DTNBP1: variants seen among roughly 807,000 people sequenced by gnomAD.
The protein encoded by DTNBP1 is dystrobrevin binding protein 1, also known as dysbindin.
A neutral mutation model predicts 42.8 loss-of-function variants in DTNBP1; 35 were observed. The ratio of observed to expected loss-of-function variants is 0.82; its 90% CI spans 0.63 to 1.09. The LOEUF (loss-of-function observed/expected upper bound fraction) is 1.09, where lower values mean the gene tolerates loss of function less well. Ranked by LOEUF, DTNBP1 falls within the 50% of genes least tolerant of loss-of-function variation. DTNBP1 has a pLI of 0.00. For synonymous variants in DTNBP1, 171 were observed against 162.2 expected (o/e 1.05, Z -0.41); for missense variants, 457 against 424.2 (o/e 1.08, Z -0.68).
At chr6:15,532,086 G>A (rs751039042) in intron 8 of DTNBP1, among the ~76,000 whole-genome samples, 2 of 152,210 alleles carry the variant, frequency 1.3e-5, no homozygotes, top group African/African-American at 2.4e-5. Context: ...GAGATTTGGG[G>A]GGTGAGGGAG....
intron 9 of DTNBP1, chr6:15,524,002 A>G (rs940998450): frequency 3.9e-6 from 5 of 1,288,438 alleles, no homozygotes; most frequent in Non-Finnish European, 5.1e-6. Context: ...CTGGCACCTC[A>G]GCCCATATTT....
chr6:15,558,121 A>T (rs1774629630), intron 7 of DTNBP1, among the ~76,000 whole-genome samples: 2 of 151,584 alleles, frequency 1.3e-5, no homozygotes, highest in African/African-American at 4.8e-5. Context: ...ATATTATGTT[A>T]AATTATTGTA....
chr6:15,639,883 A>T (rs1356645272), intron 3 of DTNBP1, among the ~76,000 whole-genome samples: 2 of 152,118 alleles, frequency 1.3e-5, no homozygotes, highest in Admixed American at 1.3e-4. Context: ...GAGAAAATTA[A>T]TCCTCACTTG....
At position 15,637,909 on chromosome 6, in the gene DTNBP1, C is replaced by A. The variant is rs16876746; in HGVS notation, c.162-105G>T. 50,950 of 1,242,760 alleles carry A rather than the reference C, an allele frequency of 0.041. 1,454 individuals carry two copies. The highest frequency in any genetic ancestry group is 0.12 in the African/African-American group (7,831 of 67,180). The allele number at this position is 1,242,760 out of a possible 1,614,324, so 77.0% of individuals were successfully genotyped here. The stretch of plus-strand genomic sequence containing the variant: ...CCTGTGGTGCTAGAAAGGAAACACT[C>A]AAAAAATAATGGGGACATGTTGCAA... On this transcript the variant is annotated intron_variant, in intron 3 of 9. Transcript: ENST00000344537.
intron 3 of DTNBP1, among the ~76,000 whole-genome samples, chr6:15,648,444 G>A (rs58428316): frequency 0.13 from 19,173 of 151,902 alleles, 1,354 homozygotes; most frequent in African/African-American, 0.17. Flanking sequence ...AAATTGGAAT[G>A]AATGAAGCAA....
intron 8 of DTNBP1, among the ~76,000 whole-genome samples, chr6:15,530,293 A>T (rs1488140374): frequency 6.6e-6 from 1 of 152,172 alleles, no homozygotes; most frequent in African/African-American, 2.4e-5. Context: ...GAGATGCCCG[A>T]TTCCCGTGTG....
intron 9 of DTNBP1, chr6:15,523,650 T>C: frequency 2.3e-6 from 3 of 1,287,568 alleles, no homozygotes; most frequent in Non-Finnish European, 3.0e-6. Context: ...TCTCCAATTT[T>C]ATGGAACTAA....
intron 6 of DTNBP1, among the ~76,000 whole-genome samples, chr6:15,598,335 C>A (rs1776593035): frequency 6.6e-6 from 1 of 152,198 alleles, no homozygotes; most frequent in Non-Finnish European, 1.5e-5. Context: ...AGCAAACTCT[C>A]TCTAAATCCT....
intron 7 of DTNBP1, among the ~76,000 whole-genome samples, chr6:15,553,452 A>G (rs1388144380): frequency 6.6e-6 from 1 of 151,902 alleles, no homozygotes; most frequent in African/African-American, 2.4e-5. Context: ...AGAGATGGTA[A>G]GTGGTAAGTG....
At chr6:15,656,061 T>C (rs531650279) in intron 1 of DTNBP1, among the ~76,000 whole-genome samples, 88 of 152,192 alleles carry the variant, frequency 5.8e-4, no homozygotes, top group Non-Finnish European at 1.1e-3. Flanking sequence ...TTGAATAAAA[T>C]TCCAAATATG....
At chr6:15,596,919 T>C (rs911009474) in intron 6 of DTNBP1, among the ~76,000 whole-genome samples, 1 of 152,170 alleles carries the variant, frequency 6.6e-6, no homozygotes, top group African/African-American at 2.4e-5. Flanking sequence ...CTCCATCCAA[T>C]TCATCAATAA....
At chr6:15,600,055 T>A (rs1259609634) in intron 6 of DTNBP1, among the ~76,000 whole-genome samples, 1 of 152,014 alleles carries the variant, frequency 6.6e-6, no homozygotes, top group African/African-American at 2.4e-5. Context: ...TTTTTTTTTT[T>A]AAACTCATGC....
chr6:15,592,110 T>C (rs1275413326), intron 7 of DTNBP1, among the ~76,000 whole-genome samples: 2 of 152,204 alleles, frequency 1.3e-5, no homozygotes, highest in African/African-American at 2.4e-5. Flanking sequence ...GAATATGCCT[T>C]TATACCTTTT....
At chr6:15,550,314 CTTTT>C (rs559477562) in intron 7 of DTNBP1, among the ~76,000 whole-genome samples, 1 of 151,922 alleles carries the variant, frequency 6.6e-6, no homozygotes, top group Non-Finnish European at 1.5e-5. Context: ...AATGGGTATA[CTTTT>C]TTGGCAATTT....
At chr6:15,645,502 T>C (rs1325325925) in intron 3 of DTNBP1, among the ~76,000 whole-genome samples, 3 of 151,614 alleles carry the variant, frequency 2.0e-5, no homozygotes, top group Non-Finnish European at 4.4e-5. Flanking sequence ...AAACTACAGG[T>C]CAACATTACT....
chr6:15,534,997 TAAC>T (rs1389113615), intron 7 of DTNBP1, among the ~76,000 whole-genome samples: 3 of 152,192 alleles, frequency 2.0e-5, no homozygotes, highest in African/African-American at 7.2e-5. Context: ...TCCAGTAGTT[TAAC>T]TTTTCCTCAA....
chr6:15,640,405 C>A (rs751300450), intron 3 of DTNBP1, among the ~76,000 whole-genome samples: 1 of 152,174 alleles, frequency 6.6e-6, no homozygotes, highest in Non-Finnish European at 1.5e-5. Context: ...AATCACAAGT[C>A]AATGATGATG....
In DTNBP1 at chr6:15,618,623, C is replaced by A. The variant is rs12660308; in HGVS notation, c.356-3224G>T. Among the ~76,000 whole-genome samples, 190 of 151,946 alleles carry A rather than the reference C, an allele frequency of 1.3e-3. 5 individuals are homozygous for A. The East Asian group carries it at 0.033, about 27-fold the overall frequency. On this transcript the variant is annotated intron_variant, in intron 5 of 9. Transcript: ENST00000344537. ...GAAACGAGTTCTCATACGCTGTTGTCGGGAATTTAAATTAGTATAACCACT... is the reference window on the plus strand; with the variant it reads ...GAAACGAGTTCTCATACGCTGTTGTAGGGAATTTAAATTAGTATAACCACT...
chr6:15,553,952 G>T (rs1010948728), intron 7 of DTNBP1, among the ~76,000 whole-genome samples: 1 of 152,086 alleles, frequency 6.6e-6, no homozygotes, highest in African/African-American at 2.4e-5. Flanking sequence ...CAGGACACAA[G>T]ATCCTCATGT....
Sources: allele counts gnomAD v4.1 joint callset (sites outside exome capture counted in the v4.1 genomes callset), GRCh38; gene constraint gnomAD v4.1.1; transcripts MANE v1.5; gene names NCBI Gene and HGNC (gene_info 2026-07-23, HGNC 2026-07-21).